MMAA: variants seen among roughly 807,000 people sequenced by gnomAD.
MMAA encodes metabolism of cobalamin associated A.
In MMAA, 41 loss-of-function variants were observed where a neutral mutation model predicts 45.0. The observed-to-expected ratio is 0.91, with a 90% CI of 0.71 to 1.18. The LOEUF is 1.18. Among genes scored for constraint, MMAA ranks in the 50% most tolerant of loss-of-function variants. The pLI is 0.00. For missense variants in MMAA, 460 were observed against 495.7 expected (o/e 0.93, Z 0.68); for synonymous variants, 154 against 178.2 (o/e 0.86, Z 1.08).
At chr4:145,654,188 G>C in intron 6 of MMAA, 45 bp downstream of exon 6, 2 of 1,608,416 alleles carry the variant, frequency 1.2e-6, no homozygotes, top group Non-Finnish European at 1.7e-6. Context: ...AATGGATTGT[G>C]TACATTAGAA....
At chr4:145,645,909 C>T in intron 3 of MMAA, 77 bp from the exon 4 acceptor site, 1 of 1,404,686 alleles carries the variant, frequency 7.1e-7, no homozygotes, top group Non-Finnish European at 1.0e-6. Flanking sequence ...TGGCATAAAG[C>T]ACTTCCCTCT....
Position 145,657,731 on chromosome 4 carries a change from G to A in MMAA, c.*2297G>A, listed in dbSNP as rs1410747022. 2 of 152,176 alleles carry A rather than the reference G, an allele frequency of 1.3e-5. No homozygotes were observed. The allele number at this position is 152,176 out of a possible 1,614,324, so 9.4% of individuals were successfully genotyped here. On this transcript the variant is annotated 3_prime_UTR_variant, in exon 7 of 7. Coordinates refer to ENST00000649156, the MANE Select transcript of MMAA (RefSeq NM_172250.3). ...CTAATATTAATTTCAGATTGGCCAA[G>A]CTACTTAATTTCTCTGTGCCTCAGT...
rs181823249 is a variant in MMAA, at chr4:145,652,602, C to T, written c.820-1392C>T. Among the ~76,000 whole-genome samples the T allele has an allele frequency of 1.8e-4, 27 of 151,942 alleles. No individual in the cohort carries two copies. The East Asian group carries it at 4.7e-3, about 26-fold the overall frequency. On this transcript the variant is annotated intron_variant, in intron 5 of 6. Coordinates refer to ENST00000649156, the MANE Select transcript of MMAA (RefSeq NM_172250.3). ...AAAATTAGCCGGGCATGGTGGCAGGCGCCTGTAGTCCCAGCTACTTGGGAG... is the reference window on the plus strand; with the variant it reads ...AAAATTAGCCGGGCATGGTGGCAGGTGCCTGTAGTCCCAGCTACTTGGGAG...
chr4:145,643,753 G>A (rs1727856218), intron 3 of MMAA, among the ~76,000 whole-genome samples: 1 of 151,940 alleles, frequency 6.6e-6, no homozygotes, highest in Non-Finnish European at 1.5e-5. Context: ...TTAGTAAGTG[G>A]CCCTCATTTA....
chr4:145,631,290 T>C (rs1727421731), intron 1 of MMAA, among the ~76,000 whole-genome samples: 1 of 152,216 alleles, frequency 6.6e-6, no homozygotes, highest in Non-Finnish European at 1.5e-5. Context: ...TATCTCTCTA[T>C]CTCCAATAAT....
rs777641906 is a variant in MMAA, at chr4:145,651,185, G to A, written c.819+38G>A. 7.2e-6 allele frequency: 11 copies of A among 1,534,106 alleles called. No homozygotes were observed. The Admixed American group carries it at 1.0e-4, about 14-fold the overall frequency. On this transcript the variant is annotated intron_variant, in intron 5 of 6. Transcript: ENST00000649156. ...ATTTTTTCCCCCAAAAATATAAAAT[G>A]TATATCTCTGAAAATAAAAATTTCC...
chr4:145,624,209 G>A, intron 1 of MMAA: 1 of 834,652 alleles, frequency 1.2e-6, no homozygotes, highest in South Asian at 1.3e-5. Context: ...TCAACTTTAA[G>A]CTGCATACAG....
chr4:145,638,095 C>T (rs1393706628), intron 1 of MMAA, among the ~76,000 whole-genome samples: 1 of 152,152 alleles, frequency 6.6e-6, no homozygotes, highest in Non-Finnish European at 1.5e-5. Flanking sequence ...TATGGCCGGG[C>T]GTGGGGGCTC....
intron 1 of MMAA, among the ~76,000 whole-genome samples, chr4:145,632,437 A>G (rs1016988468): frequency 3.9e-5 from 6 of 151,934 alleles, no homozygotes; most frequent in African/African-American, 1.5e-4. Flanking sequence ...TTCATTCTTT[A>G]TCCTTGACCT....
At chr4:145,623,608 T>C (rs1288887452) in intron 1 of MMAA, among the ~76,000 whole-genome samples, 1 of 152,224 alleles carries the variant, frequency 6.6e-6, no homozygotes, top group Non-Finnish European at 1.5e-5. Context: ...TTAATATATA[T>C]TTTGGTAATC....
chr4:145,653,159 C>T (rs1013058354), intron 5 of MMAA, among the ~76,000 whole-genome samples: 1 of 152,166 alleles, frequency 6.6e-6, no homozygotes, highest in Non-Finnish European at 1.5e-5. Context: ...TGGTGTGAGC[C>T]ACCACACCTA....
intron 2 of MMAA, among the ~76,000 whole-genome samples, chr4:145,640,535 TG>T (rs1727754277): frequency 6.6e-6 from 1 of 151,838 alleles, no homozygotes; most frequent in South Asian, 2.1e-4. Flanking sequence ...AGAAGTTTTT[TG>T]TAGAGATGGG....
At position 145,639,441 on chromosome 4, in the gene MMAA, T is replaced by C; in HGVS notation, c.302T>C (p.Leu101Ser). The change falls in exon 2 of 7, where the codon TTA becomes TCA. Residue 101 changes from leucine to serine, a missense_variant. By Grantham distance (145) the Leu-to-Ser change is moderately radical (BLOSUM62 -2). Coordinates refer to ENST00000649156, the MANE Select transcript of MMAA (RefSeq NM_172250.3). ...TGLIQGQRAC[L>S]AEAITLVEST... ...TTAATCCAAGGGCAAAGGGCCTGTTTAGCAGAGGCCATAACTCTTGTAGAA... is the reference window on the plus strand; with the variant it reads ...TTAATCCAAGGGCAAAGGGCCTGTTCAGCAGAGGCCATAACTCTTGTAGAA... 6.2e-7 allele frequency: 1 copy of C among 1,614,202 alleles called. No homozygotes were observed. The highest frequency in any genetic ancestry group is 1.7e-5 in the Admixed American group (1 of 60,026).
At chr4:145,636,131 G>A (rs1425550932) in intron 1 of MMAA, among the ~76,000 whole-genome samples, 1 of 152,180 alleles carries the variant, frequency 6.6e-6, no homozygotes, top group Non-Finnish European at 1.5e-5. Context: ...CCAGGCATTT[G>A]GGGAATGAAA....
chr4:145,635,196 A>G (rs904263145), intron 1 of MMAA, among the ~76,000 whole-genome samples: 14 of 152,142 alleles, frequency 9.2e-5, no homozygotes, highest in African/African-American at 3.4e-4. Flanking sequence ...TTGAGACACT[A>G]GAGCACTTTA....
Position 145,658,448 on chromosome 4 carries a change from G to T in MMAA, c.*3014G>T, listed in dbSNP as rs1019726172. ...ACTTCTGTAGATAGGAAAAAAATGTGCTGAGCTCCAAAACTGACAGACATT... is the reference window on the plus strand; with the variant it reads ...ACTTCTGTAGATAGGAAAAAAATGTTCTGAGCTCCAAAACTGACAGACATT... On this transcript the variant is annotated 3_prime_UTR_variant, in exon 7 of 7. Coordinates refer to ENST00000649156, the MANE Select transcript of MMAA (RefSeq NM_172250.3). 2 of 152,104 alleles carry T rather than the reference G, an allele frequency of 1.3e-5. No individual in the cohort carries two copies. The highest frequency in any genetic ancestry group is 2.9e-5 in the Non-Finnish European group (2 of 68,014). The allele number at this position is 152,104 out of a possible 1,614,324, so 9.4% of individuals were successfully genotyped here. A position where few individuals can be genotyped will look rare whatever the true frequency, so the allele number is the denominator to read the frequency against.
rs1728298787 is a variant in MMAA, at chr4:145,658,586, T to C, written c.*3152T>C. The C allele has an allele frequency of 6.6e-6, 1 of 151,628 alleles. No individual in the cohort carries two copies. Among genetic ancestry groups the C allele is most frequent in the African/African-American group, 2.4e-5 (1 of 41,222 alleles). 9.4% of individuals were successfully genotyped at this position (151,628 alleles called of 1,614,324 possible). A position where few individuals can be genotyped will look rare whatever the true frequency, so the allele number is the denominator to read the frequency against. On this transcript the variant is annotated 3_prime_UTR_variant, in exon 7 of 7. Transcript: ENST00000649156. ...TTTTCTCTTCAGAATCACTCGATCA[T>C]ATGGCCATTTCCCTAAGCTTTTATA...
chr4:145,646,431 A>C, intron 4 of MMAA: 1 of 408,374 alleles, frequency 2.4e-6, no homozygotes, highest in Non-Finnish European at 4.5e-6. Context: ...CATTAGGATG[A>C]TCTGTGTAAA....
intron 1 of MMAA, chr4:145,624,961 G>A (rs1372732085): frequency 4.5e-6 from 5 of 1,120,006 alleles, no homozygotes; most frequent in Non-Finnish European, 1.4e-6. Context: ...CTTTGGGCTG[G>A]TTTCCCTGAC....
Sources: allele counts gnomAD v4.1 joint callset (sites outside exome capture counted in the v4.1 genomes callset), GRCh38; gene constraint gnomAD v4.1.1; transcripts MANE v1.5; gene names NCBI Gene and HGNC (gene_info 2026-07-23, HGNC 2026-07-21).